Variants in NMD3 observed in about 807,000 individuals in gnomAD.
NMD3 encodes 60S ribosomal export protein NMD3.
In NMD3, 47 loss-of-function variants were observed where a neutral mutation model predicts 73.1. The ratio of observed to expected loss-of-function variants is 0.64; its 90% confidence interval spans 0.51 to 0.82. NMD3 has a LOEUF of 0.82. NMD3 is among the 40% of genes least tolerant of loss of function. NMD3 has a pLI of 0.00. For missense variants in NMD3, 554 were observed against 612.5 expected, an observed-to-expected ratio of 0.90 and a Z score of 1.01; for synonymous variants, 210 against 194.5, an observed-to-expected ratio of 1.08 and a Z score of -0.66.
At chr3:161,226,406 C>T (rs1736317698) in intron 3 of NMD3, among the ~76,000 whole-genome samples, 1 of 151,934 alleles carries the variant, frequency 6.6e-6, no homozygotes, top group Non-Finnish European at 1.5e-5. Flanking sequence ...CGAGATCATA[C>T]ACTGCACTCC....
chr3:161,241,269 G>C (rs1736974862), intron 10 of NMD3, 106 bp downstream of exon 10: 2 of 724,106 alleles, frequency 2.8e-6, no homozygotes, highest in East Asian at 2.7e-5. Flanking sequence ...TGTTTTGAAA[G>C]GTTAGTTAAA....
chr3:161,222,480 G>T (rs576766597), intron 2 of NMD3, among the ~76,000 whole-genome samples: 7 of 151,956 alleles, frequency 4.6e-5, no homozygotes, highest in African/African-American at 1.7e-4. Flanking sequence ...GAGTAGCTCG[G>T]ATGACTTCCT....
At chr3:161,240,699 AT>A (rs1303006369) in intron 9 of NMD3, among the ~76,000 whole-genome samples, 1 of 71,840 alleles carries the variant, frequency 1.4e-5, no homozygotes, top group Non-Finnish European at 3.1e-5. Flanking sequence ...TAATTAAAAT[AT>A]ATATATATAT....
At chr3:161,232,346 A>G (rs979775105) in intron 4 of NMD3, among the ~76,000 whole-genome samples, 37 of 152,008 alleles carry the variant, frequency 2.4e-4, no homozygotes, top group African/African-American at 8.2e-4. Flanking sequence ...AGTGCTTGAT[A>G]AAAGTATAAT....
chr3:161,249,651 A>G (rs1576861792), intron 14 of NMD3, 91 bp downstream of exon 14: 3 of 792,630 alleles, frequency 3.8e-6, no homozygotes, highest in African/African-American at 3.5e-5. Flanking sequence ...GCATCACACA[A>G]TTGATCCTTG....
chr3:161,241,936 A>G (rs1309504408), intron 10 of NMD3, among the ~76,000 whole-genome samples: 2 of 152,032 alleles, frequency 1.3e-5, no homozygotes, highest in Non-Finnish European at 2.9e-5. Context: ...AAGGAAGACC[A>G]CATTTTGGTA....
At chr3:161,243,598 T>G (rs558222551) in intron 11 of NMD3, among the ~76,000 whole-genome samples, 1 of 152,332 alleles carries the variant, frequency 6.6e-6, no homozygotes, top group South Asian at 2.1e-4. Context: ...CTTAGACAAC[T>G]AGTGCATTTA....
At chr3:161,230,585 T>A (rs749197450) in intron 4 of NMD3, among the ~76,000 whole-genome samples, 2 of 152,180 alleles carry the variant, frequency 1.3e-5, no homozygotes, top group Non-Finnish European at 2.9e-5. Flanking sequence ...ATATAGTACA[T>A]AGTGAAAGAA....
intron 5 of NMD3, 38 bp from the exon 6 acceptor site, chr3:161,234,689 A>G: frequency 6.4e-7 from 1 of 1,550,500 alleles, no homozygotes; most frequent in East Asian, 2.3e-5. Context: ...GTTATTAAAC[A>G]AAACCAAAAG....
At chr3:161,248,223 C>T (rs4493447) in intron 13 of NMD3, among the ~76,000 whole-genome samples, 47,429 of 151,860 alleles carry the variant, frequency 0.31, 7,693 homozygotes, top group East Asian at 0.53. Flanking sequence ...GGTGCGGTGG[C>T]TCATGCCTGT....
At position 161,227,306 on chromosome 3, in the gene NMD3, C is replaced by G. The variant is rs760108317; in HGVS notation, c.239C>G (p.Ala80Gly). 3 of 1,605,572 alleles carry G rather than the reference C, an allele frequency of 1.9e-6. No individual in the cohort carries two copies. Among genetic ancestry groups the G allele is most frequent in the Non-Finnish European group, 2.6e-6 (3 of 1,175,236 alleles). The change falls in exon 4 of 16, where the codon GCT (alanine) becomes GGT (glycine). Residue 80 changes from alanine (A) to glycine (G), a missense_variant. By Grantham distance (60) the Ala-to-Gly change is moderately conservative (BLOSUM62 0). Transcript: ENST00000351193. ...GCTTTAGAATCCAGGGAACTTCTTG[C>G]TTTGTGCTTGAAAAAAATCAAAGCC... is the stretch of plus-strand genomic sequence containing the variant. ...QCALESRELL[A>G]LCLKKIKAPL...
chr3:161,224,633 T>C (rs564083202), intron 2 of NMD3, among the ~76,000 whole-genome samples: 1 of 152,158 alleles, frequency 6.6e-6, no homozygotes, highest in East Asian at 1.9e-4. Flanking sequence ...ATTACAGGCG[T>C]GCGCCACCAT....
chr3:161,229,242 A>G (rs1736443892), intron 4 of NMD3, among the ~76,000 whole-genome samples: 1 of 152,216 alleles, frequency 6.6e-6, no homozygotes, highest in Admixed American at 6.5e-5. Context: ...GTGAGATGAC[A>G]TGACTTATTA....
At chr3:161,252,985 T>C (rs540298394), downstream of NMD3, 288 of 360,294 alleles carry the variant, frequency 8.0e-4, no homozygotes, top group Non-Finnish European at 1.3e-3. Flanking sequence ...TAGTCCCAGC[T>C]ACTCGGGACG....
chr3:161,223,080 T>C (rs1439993670), intron 2 of NMD3: 1 of 152,242 alleles, frequency 6.6e-6, no homozygotes, highest in East Asian at 1.9e-4. Context: ...ACCATTATAC[T>C]TCCCTCCGGA....
intron 3 of NMD3, among the ~76,000 whole-genome samples, chr3:161,225,841 T>C (rs1309791040): frequency 6.6e-6 from 1 of 152,148 alleles, no homozygotes; most frequent in African/African-American, 2.4e-5. Context: ...TGTGTGTGTA[T>C]ATATGTAAAA....
intron 7 of NMD3, 193 bp downstream of exon 7, chr3:161,235,405 G>A: frequency 2.9e-6 from 1 of 345,626 alleles, no homozygotes; most frequent in East Asian, 4.5e-5. Context: ...ACATTTGGCT[G>A]TTGAGTACTT....
At chr3:161,230,129 T>C (rs1244882173) in intron 4 of NMD3, among the ~76,000 whole-genome samples, 1 of 152,156 alleles carries the variant, frequency 6.6e-6, no homozygotes, top group African/African-American at 2.4e-5. Flanking sequence ...GATAAGGTCT[T>C]GCTTTATTGC....
In NMD3 at chr3:161,235,038, T is replaced by C. The variant is rs1032476583; in HGVS notation, c.487-84T>C. The C allele has an allele frequency of 3.5e-6, 3 of 868,848 alleles. No homozygotes were observed. The African/African-American group carries it at 5.1e-5, about 15-fold the overall frequency. 53.8% of individuals were successfully genotyped at this position (868,848 alleles called of 1,614,324 possible). A position where few individuals can be genotyped will look rare whatever the true frequency, so the allele number is the denominator to read the frequency against. On this transcript the variant is annotated intron_variant, in intron 6 of 15. Coordinates refer to ENST00000351193, the MANE Select transcript of NMD3 (RefSeq NM_015938.5). ...GTTATTGTTTGAAAAATCAGTATGC[T>C]CTATCTGTAGATAGTATGTGTGTCC...
Sources: gnomAD v4.1 joint callset for allele counts (sites outside exome capture counted in the v4.1 genomes callset) on GRCh38, gnomAD v4.1.1 for gene constraint, MANE v1.5 for transcripts, NCBI Gene and HGNC (gene_info 2026-07-23, HGNC 2026-07-21) for gene names.